Variants in GNG12 observed in about 807,000 individuals in gnomAD.
GNG12 encodes the protein G protein subunit gamma 12.
For missense variants in GNG12, 69 were observed against 83.8 expected (o/e 0.82, Z 0.69); for synonymous variants, 28 against 29.7 (o/e 0.94, Z 0.19).
chr1:67,712,499 TG>T (rs1646301157), intron 2 of GNG12, among the ~76,000 whole-genome samples: 2 of 152,156 alleles, frequency 1.3e-5, no homozygotes, highest in South Asian at 4.1e-4. Flanking sequence ...GAGACCAGCC[TG>T]GGAACATAGT....
intron 2 of GNG12, among the ~76,000 whole-genome samples, chr1:67,748,750 C>A (rs1360931943): frequency 2.0e-5 from 3 of 152,168 alleles, no homozygotes; most frequent in Non-Finnish European, 4.4e-5. Context: ...CTGCTGAGAG[C>A]ATGTGAGATC....
At chr1:67,786,358 G>A (rs959745653) in intron 1 of GNG12, among the ~76,000 whole-genome samples, 2 of 152,110 alleles carry the variant, frequency 1.3e-5, no homozygotes, top group African/African-American at 4.8e-5. Flanking sequence ...TGCCTTGTGG[G>A]ACAAATTAAG....
chr1:67,824,369 G>A (rs1423013275), intron 1 of GNG12, among the ~76,000 whole-genome samples: 6 of 151,928 alleles, frequency 3.9e-5, no homozygotes, highest in Non-Finnish European at 7.4e-5. Flanking sequence ...AGTTTGCCAG[G>A]TGTGGTGGCA....
intron 1 of GNG12, among the ~76,000 whole-genome samples, chr1:67,796,959 A>T (rs1646834765): frequency 6.6e-6 from 1 of 152,200 alleles, no homozygotes; most frequent in African/African-American, 2.4e-5. Context: ...GAGAGATGTC[A>T]GGTTCTTTTA....
At chr1:67,752,127 C>T (rs1570513603) in intron 2 of GNG12, among the ~76,000 whole-genome samples, 1 of 152,222 alleles carries the variant, frequency 6.6e-6, no homozygotes. Context: ...TTCTGATAAC[C>T]ATATGCTTGT....
At chr1:67,747,838 T>C (rs1421002570) in intron 2 of GNG12, among the ~76,000 whole-genome samples, 1 of 152,112 alleles carries the variant, frequency 6.6e-6, no homozygotes, top group South Asian at 2.1e-4. Context: ...CACAAACTGA[T>C]GGGGATGCTC....
At chr1:67,733,606 A>C (rs921317184) in intron 2 of GNG12, among the ~76,000 whole-genome samples, 1 of 152,216 alleles carries the variant, frequency 6.6e-6, no homozygotes, top group Non-Finnish European at 1.5e-5. Flanking sequence ...GAAATTCTTA[A>C]AATTTATAGG....
chr1:67,799,590 T>C (rs1451559303), intron 1 of GNG12, among the ~76,000 whole-genome samples: 1 of 152,234 alleles, frequency 6.6e-6, no homozygotes, highest in Non-Finnish European at 1.5e-5. Context: ...CAGATAGTTC[T>C]ATTATAGTAC....
intron 2 of GNG12, among the ~76,000 whole-genome samples, chr1:67,737,676 C>A (rs1646460075): frequency 6.6e-6 from 1 of 151,940 alleles, no homozygotes; most frequent in Non-Finnish European, 1.5e-5. Flanking sequence ...CTTTTTGGAG[C>A]CTACTGGTTA....
chr1:67,786,817 C>A (rs1290828243), intron 1 of GNG12, among the ~76,000 whole-genome samples: 3 of 151,886 alleles, frequency 2.0e-5, no homozygotes, highest in Non-Finnish European at 4.4e-5. Context: ...CGTGCCTGTA[C>A]TCCCAGCTAC....
intron 1 of GNG12, among the ~76,000 whole-genome samples, chr1:67,827,193 C>T (rs1032899516): frequency 1.3e-5 from 2 of 152,174 alleles, no homozygotes; most frequent in Non-Finnish European, 2.9e-5. Context: ...TAAAGGGGAT[C>T]CTATGTCAAT....
chr1:67,816,536 T>G (rs1359726668), intron 1 of GNG12, among the ~76,000 whole-genome samples: 1 of 152,160 alleles, frequency 6.6e-6, no homozygotes, highest in African/African-American at 2.4e-5. Flanking sequence ...GACAGGGCCC[T>G]CTGCCTCCAG....
intron 2 of GNG12, among the ~76,000 whole-genome samples, chr1:67,750,838 T>C (rs1646534582): frequency 6.6e-6 from 1 of 152,202 alleles, no homozygotes. Flanking sequence ...CTCTAGTTCT[T>C]TCAGTTACAG....
intron 2 of GNG12, among the ~76,000 whole-genome samples, chr1:67,734,705 C>T (rs1646442091): frequency 6.6e-6 from 1 of 152,142 alleles, no homozygotes; most frequent in African/African-American, 2.4e-5. Flanking sequence ...TAGCTTACTG[C>T]AGCCTTGAAC....
rs145288684 is a variant in GNG12 at position 67,789,672 on chromosome 1, AGGC to A, written c.-76-12168_-76-12166del. On this transcript the variant is annotated intron_variant, in intron 1 of 3. Transcript: ENST00000370982. ...TTCAGGTTATGTCTGCTACAGAGTC[AGGC>A]GGCACAATCGGGCAGGATGCAGCCA... 8.6e-3 allele frequency among the ~76,000 whole-genome samples: 1,311 copies of A among 152,356 alleles called. 22 individuals are homozygous for A. The highest frequency in any genetic ancestry group is 0.03 in the African/African-American group (1,257 of 41,570).
chr1:67,826,914 G>T (rs1647014265), intron 1 of GNG12, among the ~76,000 whole-genome samples: 1 of 152,230 alleles, frequency 6.6e-6, no homozygotes, highest in Admixed American at 6.5e-5. Context: ...CCAGTGGGGA[G>T]TTAAGGGTTT....
intron 2 of GNG12, among the ~76,000 whole-genome samples, chr1:67,776,138 C>G (rs1479758212): frequency 6.6e-6 from 1 of 152,012 alleles, no homozygotes; most frequent in Non-Finnish European, 1.5e-5. Context: ...GGTAGAAAAC[C>G]TGGTATTTGC....
intron 2 of GNG12, among the ~76,000 whole-genome samples, chr1:67,733,409 C>G (rs540451319): frequency 2.0e-5 from 3 of 152,238 alleles, no homozygotes; most frequent in Middle Eastern, 3.4e-3. Context: ...CCTCTTCTGG[C>G]CTTTGCAAAT....
At position 67,702,001 on chromosome 1, in the gene GNG12, A is replaced by G. The variant is rs1180596811; in HGVS notation, c.*3450T>C. ...GGAACAGGAAGGGCTCTCAGCCATCATCTACTGCAGCCACTTGTTTTACAA... is the reference window on the plus strand; with the variant it reads ...GGAACAGGAAGGGCTCTCAGCCATCGTCTACTGCAGCCACTTGTTTTACAA... On this transcript the variant is annotated 3_prime_UTR_variant, in exon 4 of 4. Coordinates refer to ENST00000370982, the MANE Select transcript of GNG12 (RefSeq NM_018841.6). The G allele has an allele frequency of 6.5e-6, 1 of 152,784 alleles. No individual in the cohort carries two copies. Among genetic ancestry groups the G allele is most frequent in the Non-Finnish European group, 1.5e-5 (1 of 68,112 alleles). The allele number at this position is 152,784 out of a possible 1,614,324, so 9.5% of individuals were successfully genotyped here.
Sources: gnomAD v4.1 joint callset for allele counts (sites outside exome capture counted in the v4.1 genomes callset) on GRCh38, gnomAD v4.1.1 for gene constraint, MANE v1.5 for transcripts, NCBI Gene and HGNC (gene_info 2026-07-23, HGNC 2026-07-21) for gene names.